Variants in PAPPA2 observed in about 807,000 individuals in gnomAD.
The protein encoded by PAPPA2 is pappalysin 2.
A neutral mutation model predicts 176.4 loss-of-function variants in PAPPA2; 86 were observed. The ratio of observed to expected loss-of-function variants is 0.49; its 90% CI spans 0.41 to 0.58. PAPPA2 has a LOEUF of 0.58. PAPPA2 is among the 20% of genes least tolerant of loss of function. The pLI, the probability that PAPPA2 is intolerant of heterozygous loss-of-function variation, is 0.00. For synonymous variants in PAPPA2, 809 were observed against 852.2 expected (o/e 0.95, Z 0.88); for missense variants, 2,073 against 2,256.9 (o/e 0.92, Z 1.65).
intron 21 of PAPPA2, among the ~76,000 whole-genome samples, chr1:176,813,658 T>G (rs1666264852): frequency 6.6e-6 from 1 of 152,232 alleles, no homozygotes; most frequent in Non-Finnish European, 1.5e-5. Flanking sequence ...GTAAATTTGT[T>G]TAAGTTCCTT....
At chr1:176,642,107 G>A (rs1355349729) in intron 3 of PAPPA2, among the ~76,000 whole-genome samples, 1 of 151,826 alleles carries the variant, frequency 6.6e-6, no homozygotes, top group Non-Finnish European at 1.5e-5. Flanking sequence ...TCTCTAGCTA[G>A]TGCCCAAGCC....
chr1:176,691,088 G>A, intron 5 of PAPPA2: 1 of 985,296 alleles, frequency 1.0e-6, no homozygotes, highest in Non-Finnish European at 1.2e-6. Context: ...TTCAGCTTCT[G>A]TATTATTCTT....
chr1:176,589,026 C>G (rs1653495892), intron 2 of PAPPA2, among the ~76,000 whole-genome samples: 1 of 152,118 alleles, frequency 6.6e-6, no homozygotes. Context: ...ATTCAAGTCT[C>G]TTTATCTCTT....
chr1:176,472,999 T>A (rs1558389745), intron 1 of PAPPA2, among the ~76,000 whole-genome samples: 2 of 152,176 alleles, frequency 1.3e-5, no homozygotes, highest in Non-Finnish European at 2.9e-5. Context: ...GCAAAACATT[T>A]GTTACAATTG....
intron 3 of PAPPA2, among the ~76,000 whole-genome samples, chr1:176,646,741 C>A (rs1657419400): frequency 6.6e-6 from 1 of 151,436 alleles, no homozygotes; most frequent in African/African-American, 2.4e-5. Context: ...ATGATAGGAT[C>A]TCATTCTTTT....
rs1482513572 is a variant in PAPPA2, at chr1:176,707,239, G to A, written c.3457+789G>A. Among the ~76,000 whole-genome samples the A allele has an allele frequency of 5.3e-5, 8 of 152,226 alleles. No individual in the cohort carries two copies. The East Asian group carries it at 7.7e-4, about 15-fold the overall frequency. ...TGTCATGAAATCTTAAGATAAAGTC[G>A]AATGTGATTACAATTATGTATAATT... On this transcript the variant is annotated intron_variant, in intron 10 of 22. Transcript: ENST00000367662.
intron 1 of PAPPA2, among the ~76,000 whole-genome samples, chr1:176,524,932 C>T (rs944870361): frequency 6.6e-6 from 1 of 152,122 alleles, no homozygotes; most frequent in African/African-American, 2.4e-5. Context: ...GTCCCAGCTA[C>T]TCGGGAGGCT....
intron 2 of PAPPA2, among the ~76,000 whole-genome samples, chr1:176,590,437 C>T (rs1322795081): frequency 1.3e-5 from 2 of 151,976 alleles, no homozygotes; most frequent in Non-Finnish European, 2.9e-5. Context: ...TTCAGAGGAC[C>T]AGTTGTTAAA....
At chr1:176,632,353 C>G (rs1452815036) in intron 3 of PAPPA2, among the ~76,000 whole-genome samples, 1 of 151,550 alleles carries the variant, frequency 6.6e-6, no homozygotes, top group Admixed American at 6.6e-5. Flanking sequence ...TAAAGAGAAT[C>G]AGAAAATCAA....
intron 21 of PAPPA2, among the ~76,000 whole-genome samples, chr1:176,804,379 C>T (rs937755906): frequency 2.0e-5 from 3 of 151,986 alleles, no homozygotes; most frequent in Non-Finnish European, 4.4e-5. Context: ...CACGACTGGG[C>T]GAATGGGAGG....
chr1:176,514,897 A>G (rs984034994), intron 1 of PAPPA2, among the ~76,000 whole-genome samples: 4 of 152,190 alleles, frequency 2.6e-5, no homozygotes, highest in African/African-American at 7.2e-5. Context: ...ATTTTCCTCC[A>G]TTCCATCAAG....
rs1418313850 is a variant in PAPPA2 at position 176,816,149 on chromosome 1, A to AGT, written c.5202+16020_5202+16021dup. ...ATCCTGAGATTTATTTTCCTTTCAC[A>AGT]GTGTATATATATATATATATATATA... On this transcript the variant is annotated intron_variant, in intron 21 of 22. Coordinates refer to ENST00000367662, the MANE Select transcript of PAPPA2 (RefSeq NM_020318.3). Among the ~76,000 whole-genome samples the AGT allele has an allele frequency of 2.6e-3, 191 of 72,568 alleles. 4 individuals carry two copies. Among genetic ancestry groups the AGT allele is most frequent in the African/African-American group, 7.4e-3 (143 of 19,376 alleles). The allele number at this position is 72,568 out of a possible 152,430, so 47.6% of individuals were successfully genotyped here. A position where few individuals can be genotyped will look rare whatever the true frequency, so the allele number is the denominator to read the frequency against.
intron 2 of PAPPA2, among the ~76,000 whole-genome samples, chr1:176,591,656 T>C (rs749457399): frequency 3.6e-4 from 55 of 152,236 alleles, no homozygotes; most frequent in Admixed American, 6.5e-4. Flanking sequence ...AAACTTGCAC[T>C]TGCATGGGTG....
chr1:176,666,117 A>C (rs1658627536), intron 3 of PAPPA2, among the ~76,000 whole-genome samples: 1 of 152,192 alleles, frequency 6.6e-6, no homozygotes, highest in Non-Finnish European at 1.5e-5. Flanking sequence ...AAAAATTAGA[A>C]CTGAAAAGAG....
intron 1 of PAPPA2, among the ~76,000 whole-genome samples, chr1:176,490,493 T>C (rs1456712284): frequency 6.6e-6 from 1 of 152,146 alleles, no homozygotes; most frequent in Admixed American, 6.6e-5. Flanking sequence ...CCAGCTTATA[T>C]TTGTGATACA....
chr1:176,675,024 C>G lies in PAPPA2; in HGVS notation c.2137+3909C>G, dbSNP rs75570212. ...ATTGTGGTTTTGATATGCATTCCAT[C>G]TATTTTTCTTTGTTTTTGTTGCATT... On this transcript the variant is annotated intron_variant, in intron 4 of 22. Transcript: ENST00000367662. Among the ~76,000 whole-genome samples the G allele has an allele frequency of 8.2e-4, 125 of 151,950 alleles. 1 individual carries two copies. Among genetic ancestry groups the G allele is most frequent in the African/African-American group, 2.7e-3 (114 of 41,506 alleles).
At chr1:176,676,597 G>A (rs1329817053) in intron 4 of PAPPA2, among the ~76,000 whole-genome samples, 1 of 152,110 alleles carries the variant, frequency 6.6e-6, no homozygotes, top group African/African-American at 2.4e-5. Flanking sequence ...CATGGTTGGA[G>A]GTTGAGAAAA....
At chr1:176,804,897 G>T (rs901956408) in intron 21 of PAPPA2, among the ~76,000 whole-genome samples, 1 of 151,618 alleles carries the variant, frequency 6.6e-6, no homozygotes, top group Admixed American at 6.6e-5. Flanking sequence ...TTAAATGCTT[G>T]TCCAATAAAG....
intron 3 of PAPPA2, among the ~76,000 whole-genome samples, chr1:176,666,639 C>T (rs1658671539): frequency 7.4e-6 from 1 of 135,778 alleles, no homozygotes; most frequent in East Asian, 2.1e-4. Flanking sequence ...AAGAGAGAGA[C>T]CCAGTGACCC....
Sources: gnomAD v4.1 joint callset for allele counts (sites outside exome capture counted in the v4.1 genomes callset) on GRCh38, gnomAD v4.1.1 for gene constraint, MANE v1.5 for transcripts, NCBI Gene and HGNC (gene_info 2026-07-23, HGNC 2026-07-21) for gene names.